CAMK4: variants seen among roughly 807,000 people sequenced by gnomAD.
The protein encoded by CAMK4 is calcium/calmodulin dependent protein kinase IV.
In CAMK4, 22 loss-of-function variants were observed where a neutral mutation model predicts 44.9. The observed-to-expected ratio is 0.49, with a 90% CI of 0.35 to 0.70. The LOEUF (loss-of-function observed/expected upper bound fraction) is 0.70. Ranked by LOEUF, CAMK4 falls within the 30% of genes least tolerant of loss-of-function variation. The probability of loss-of-function intolerance (pLI) is 0.01; values close to 1 mark genes in which losing one functional copy is unlikely to be tolerated. For missense variants in CAMK4, 498 were observed against 586.8 expected, an observed-to-expected ratio of 0.85 and a Z score of 1.56; for synonymous variants, 218 against 215.4, an observed-to-expected ratio of 1.01 and a Z score of -0.11.
intron 1 of CAMK4, among the ~76,000 whole-genome samples, chr5:111,238,755 A>C (rs2112512790): frequency 7.1e-6 from 1 of 140,552 alleles, no homozygotes; most frequent in East Asian, 2.0e-4. Flanking sequence ...CAAGGAGTAA[A>C]GCTCCTTACT....
intron 5 of CAMK4, among the ~76,000 whole-genome samples, chr5:111,415,950 AGTT>A (rs1752800064): frequency 6.6e-6 from 1 of 152,250 alleles, no homozygotes; most frequent in South Asian, 2.1e-4. Context: ...AGATGTGTGT[AGTT>A]GTATGCAAAC....
In CAMK4 at chr5:111,311,524, G is replaced by A. The variant is rs564155424; in HGVS notation, c.162-32500G>A. 4.6e-5 allele frequency among the ~76,000 whole-genome samples: 7 copies of A among 152,264 alleles called. No homozygotes were observed. In the East Asian group the frequency reaches 7.7e-4, roughly 17 times the overall value. ...TAAAAAGCCTATGTAATGGATTGAG[G>A]CCAGGTTGTTCTGGACAGTTTGTGA... On this transcript the variant is annotated intron_variant, in intron 1 of 10. Coordinates refer to ENST00000282356, the MANE Select transcript of CAMK4 (RefSeq NM_001744.6).
chr5:111,410,061 G>C (rs1344213676), intron 5 of CAMK4, among the ~76,000 whole-genome samples: 1 of 152,158 alleles, frequency 6.6e-6, no homozygotes, highest in Non-Finnish European at 1.5e-5. Flanking sequence ...ACCTCTGACT[G>C]TTGCCCAGTT....
At chr5:111,443,271 TATATATATAC>T (rs1396811559) in intron 5 of CAMK4, among the ~76,000 whole-genome samples, 825 of 52,900 alleles carry the variant, frequency 0.016, 1 homozygote, top group Middle Eastern at 0.042. Context: ...TATATATATA[TATATATATAC>T]ACACACACAC....
chr5:111,265,295 G>C (rs894393190), intron 1 of CAMK4, among the ~76,000 whole-genome samples: 1 of 152,184 alleles, frequency 6.6e-6, no homozygotes, highest in Non-Finnish European at 1.5e-5. Flanking sequence ...ATGCAACATT[G>C]TCTTGGGAAC....
chr5:111,267,482 C>T (rs375077329), intron 1 of CAMK4, among the ~76,000 whole-genome samples: 1 of 151,766 alleles, frequency 6.6e-6, no homozygotes, highest in Non-Finnish European at 1.5e-5. Context: ...TTTGGGAGGC[C>T]GAGGCGGGCG....
At chr5:111,328,603 G>T (rs1331363233) in intron 1 of CAMK4, among the ~76,000 whole-genome samples, 1 of 152,042 alleles carries the variant, frequency 6.6e-6, no homozygotes, top group Non-Finnish European at 1.5e-5. Flanking sequence ...ACCTTGGGCA[G>T]TATGGCCATT....
chr5:111,326,740 G>A (rs189932120), intron 1 of CAMK4, among the ~76,000 whole-genome samples: 1 of 151,768 alleles, frequency 6.6e-6, no homozygotes, highest in East Asian at 2.0e-4. Flanking sequence ...AGATAAGGAC[G>A]AGGCTAAGCA....
At chr5:111,317,950 ATT>A (rs1285948391) in intron 1 of CAMK4, among the ~76,000 whole-genome samples, 1 of 146,540 alleles carries the variant, frequency 6.8e-6, no homozygotes, top group East Asian at 2.1e-4. Context: ...TTAAAAGGCT[ATT>A]TTTTATCGGA....
chr5:111,440,018 G>A, intron 5 of CAMK4, among the ~76,000 whole-genome samples: 1 of 152,306 alleles, frequency 6.6e-6, no homozygotes, highest in Middle Eastern at 3.4e-3. Context: ...CAGGAAATTG[G>A]CTGACTAGAA....
chr5:111,297,655 C>T (rs1343242938), intron 1 of CAMK4, among the ~76,000 whole-genome samples: 1 of 152,142 alleles, frequency 6.6e-6, no homozygotes, highest in Non-Finnish European at 1.5e-5. Context: ...GCTAATGCCT[C>T]ACTCTCATTG....
At chr5:111,292,451 AGTGT>A (rs1025904707) in intron 1 of CAMK4, among the ~76,000 whole-genome samples, 3 of 152,048 alleles carry the variant, frequency 2.0e-5, no homozygotes, top group African/African-American at 7.2e-5. Context: ...ATGTATATAT[AGTGT>A]GTGTGTGAGT....
intron 5 of CAMK4, among the ~76,000 whole-genome samples, chr5:111,411,386 G>A (rs963414011): frequency 6.6e-6 from 1 of 152,214 alleles, no homozygotes; most frequent in Admixed American, 6.5e-5. Flanking sequence ...TGTAGGTTGG[G>A]CTAAAGGCAG....
chr5:111,227,083 C>T (rs765880361), intron 1 of CAMK4, among the ~76,000 whole-genome samples: 1 of 152,148 alleles, frequency 6.6e-6, no homozygotes, highest in Non-Finnish European at 1.5e-5. Context: ...CTGTACATGG[C>T]AGCATTCGTG....
At chr5:111,292,397 G>A (rs760528138) in intron 1 of CAMK4, among the ~76,000 whole-genome samples, 1 of 152,056 alleles carries the variant, frequency 6.6e-6, no homozygotes, top group Admixed American at 6.6e-5. Context: ...GTTTGTGTGT[G>A]TATATGTATG....
intron 1 of CAMK4, among the ~76,000 whole-genome samples, chr5:111,327,071 A>G (rs1297614769): frequency 6.6e-6 from 1 of 151,702 alleles, no homozygotes; most frequent in East Asian, 1.9e-4. Context: ...GGTTTGTTAC[A>G]TATGTATACA....
At chr5:111,344,433 TACAC>T (rs1185887351) in intron 2 of CAMK4, among the ~76,000 whole-genome samples, 8 of 150,086 alleles carry the variant, frequency 5.3e-5, no homozygotes, top group African/African-American at 2.0e-4. Context: ...CACACACACA[TACAC>T]ACACACACAC....
intron 5 of CAMK4, among the ~76,000 whole-genome samples, chr5:111,436,362 T>C (rs1193438453): frequency 6.6e-6 from 1 of 152,206 alleles, no homozygotes; most frequent in Admixed American, 6.5e-5. Flanking sequence ...CATGCCACTG[T>C]CAGTGTGTTC....
chr5:111,266,245 AAG>A (rs147487564), intron 1 of CAMK4: 3 of 144,258 alleles, frequency 2.1e-5, no homozygotes, highest in East Asian at 2.0e-4. Context: ...CACACACAGA[AAG>A]AGAGAGAGAG....
Sources: gnomAD v4.1 joint callset for allele counts (sites outside exome capture counted in the v4.1 genomes callset) on GRCh38, gnomAD v4.1.1 for gene constraint, MANE v1.5 for transcripts, NCBI Gene and HGNC (gene_info 2026-07-23, HGNC 2026-07-21) for gene names.